The following FNBP1 variants were observed in gnomAD, a reference collection of about 807,000 sequenced individuals.
The protein encoded by FNBP1 is formin binding protein 1.
In FNBP1, 26 loss-of-function variants were observed where a neutral mutation model predicts 90.6. The observed-to-expected ratio is 0.29, with a 90% CI of 0.21 to 0.40. FNBP1 has a LOEUF of 0.40. Ranked by LOEUF, FNBP1 falls within the 10% of genes least tolerant of loss-of-function variation. FNBP1 has a pLI of 1.00. For synonymous variants in FNBP1, 260 were observed against 265.2 expected (o/e 0.98, Z 0.19); for missense variants, 635 against 768.0 (o/e 0.83, Z 2.05).
chr9:129,976,216 A>T (rs533880462), intron 4 of FNBP1, among the ~76,000 whole-genome samples: 7 of 152,138 alleles, frequency 4.6e-5, no homozygotes, highest in Non-Finnish European at 1.0e-4. Flanking sequence ...ATTTTGGGCC[A>T]GGTCATTCTT....
chr9:129,955,276 C>T (rs1237153116), intron 6 of FNBP1, among the ~76,000 whole-genome samples: 1 of 151,882 alleles, frequency 6.6e-6, no homozygotes, highest in Non-Finnish European at 1.5e-5. Context: ...CTCTGTCATC[C>T]AGGCTGGAGT....
In FNBP1 at chr9:130,041,329, C is replaced by T. The variant is rs923782149; in HGVS notation, c.24+1623G>A. Among the ~76,000 whole-genome samples, 2 of 152,142 alleles carry T rather than the reference C, an allele frequency of 1.3e-5. No homozygotes were observed. Among genetic ancestry groups the T allele is most frequent in the Non-Finnish European group, 2.9e-5 (2 of 68,034 alleles). ...GAACTGTCCACCAAGGTATTGTGTT[C>T]GGTCCCTATTTCACTCAGAAATATA... On this transcript the variant is annotated intron_variant, in intron 1 of 16. Coordinates refer to ENST00000446176, the MANE Select transcript of FNBP1 (RefSeq NM_015033.3). This position sits in a 1 kb window ranked among gnomAD's most constrained non-coding sequence, Gnocchi z 4.3.
intron 4 of FNBP1, among the ~76,000 whole-genome samples, chr9:129,976,908 G>A (rs1163677543): frequency 2.0e-5 from 3 of 152,082 alleles, no homozygotes; most frequent in Non-Finnish European, 2.9e-5. Flanking sequence ...GCTCACGCCT[G>A]TAATCCCAGC....
chr9:129,997,048 G>A (rs550760481), intron 1 of FNBP1, among the ~76,000 whole-genome samples: 1 of 151,932 alleles, frequency 6.6e-6, no homozygotes, highest in Non-Finnish European at 1.5e-5. Context: ...ATTTTGGCCA[G>A]GTGAGGTGGC....
At chr9:129,913,839 C>T (rs994395886) in intron 11 of FNBP1, among the ~76,000 whole-genome samples, 3 of 151,802 alleles carry the variant, frequency 2.0e-5, no homozygotes, top group Admixed American at 6.6e-5. Flanking sequence ...GCACAAGCTC[C>T]GTGTAATACT....
chr9:129,961,104 G>C (rs2047743007), intron 4 of FNBP1, among the ~76,000 whole-genome samples: 1 of 152,078 alleles, frequency 6.6e-6, no homozygotes, highest in Admixed American at 6.5e-5. Flanking sequence ...CCAAAGGTCA[G>C]GAGTTCTAGA....
intron 13 of FNBP1, among the ~76,000 whole-genome samples, chr9:129,901,407 C>T (rs201606188): frequency 6.6e-6 from 1 of 151,938 alleles, no homozygotes; most frequent in African/African-American, 2.4e-5. Context: ...CATGGTGGCA[C>T]ATGCCTGTAG....
chr9:129,912,470 C>A (rs1203748891), intron 11 of FNBP1, among the ~76,000 whole-genome samples: 1 of 151,986 alleles, frequency 6.6e-6, no homozygotes, highest in African/African-American at 2.4e-5. Flanking sequence ...GGGTGGATCA[C>A]CTGAGGTCGG....
intron 4 of FNBP1, among the ~76,000 whole-genome samples, chr9:129,960,490 CAT>C (rs1318505412): frequency 6.6e-6 from 1 of 151,388 alleles, no homozygotes; most frequent in Non-Finnish European, 1.5e-5. Context: ...TGGCTGTTTT[CAT>C]TATTAGATTA....
intron 1 of FNBP1, among the ~76,000 whole-genome samples, chr9:129,999,301 A>G (rs2054486996): frequency 6.6e-6 from 1 of 152,072 alleles, no homozygotes; most frequent in Non-Finnish European, 1.5e-5. Flanking sequence ...CCTCCTAAAA[A>G]TCCTTGAGAA....
intron 1 of FNBP1, among the ~76,000 whole-genome samples, chr9:130,039,332 A>C (rs1292387990): frequency 6.6e-6 from 1 of 152,216 alleles, no homozygotes; most frequent in African/African-American, 2.4e-5. Flanking sequence ...ATGAAGAGCT[A>C]TGTTATGAAG....
Position 129,900,184 on chromosome 9 carries a change from A to G in FNBP1, c.1551-83T>C, listed in dbSNP as rs569992186. On this transcript the variant is annotated intron_variant, in intron 14 of 16. Transcript: ENST00000446176. This position sits in a 1 kb window ranked among gnomAD's most constrained non-coding sequence, Gnocchi z 4.1. ...GATTGAGTCCCTGCGACTGGAGAGC[A>G]CTTGCAACCCCGCCCCTCAGCGAGT... 4.9e-6 allele frequency: 7 copies of G among 1,424,688 alleles called. No individual in the cohort carries two copies. Among genetic ancestry groups the G allele is most frequent in the African/African-American group, 4.3e-5 (3 of 69,242 alleles). The allele number at this position is 1,424,688 out of a possible 1,614,324, so 88.3% of individuals were successfully genotyped here. A position where few individuals can be genotyped will look rare whatever the true frequency, so the allele number is the denominator to read the frequency against.
At chr9:130,016,495 G>A (rs761942090) in intron 1 of FNBP1, among the ~76,000 whole-genome samples, 5 of 152,166 alleles carry the variant, frequency 3.3e-5, no homozygotes, top group Non-Finnish European at 5.9e-5. Context: ...TGTAATCCCA[G>A]CACTTTGGGA....
rs867044422 is a variant in FNBP1 at position 129,914,769 on chromosome 9, A to C, written c.1185+1197T>G. 7 of 125,710 alleles carry C rather than the reference A, an allele frequency of 5.6e-5. No homozygotes were observed. The East Asian group carries it at 1.4e-3, about 24-fold the overall frequency. 7.8% of individuals were successfully genotyped at this position (125,710 alleles called of 1,614,324 possible). A position where few individuals can be genotyped will look rare whatever the true frequency, so the allele number is the denominator to read the frequency against. ...TACATACATATGTCTATATATATAT[A>C]TATATATATATATATATATATATAT... On this transcript the variant is annotated intron_variant, in intron 11 of 16. Transcript: ENST00000446176.
chr9:130,046,742 A>T (rs2060062714), upstream of FNBP1, among the ~76,000 whole-genome samples: 1 of 146,594 alleles, frequency 6.8e-6, no homozygotes, highest in South Asian at 2.2e-4. Context: ...CACTCCAGCC[A>T]CTGTACTCCG....
chr9:130,049,158 C>A, the FNBP1 span, among the ~76,000 whole-genome samples: 1 of 152,102 alleles, frequency 6.6e-6, no homozygotes, highest in Non-Finnish European at 1.5e-5. Context: ...GGAGGCCAAG[C>A]CAGGCAGATC....
chr9:129,959,316 G>A (rs768519788), intron 4 of FNBP1, among the ~76,000 whole-genome samples: 2 of 151,782 alleles, frequency 1.3e-5, no homozygotes, highest in Non-Finnish European at 2.9e-5. Flanking sequence ...AAATAGGCTG[G>A]ACGGTGGCTC....
intron 4 of FNBP1, among the ~76,000 whole-genome samples, chr9:129,978,096 C>T (rs2130881173): frequency 6.6e-6 from 1 of 152,116 alleles, no homozygotes; most frequent in African/African-American, 2.4e-5. Context: ...TCTCGGCTCA[C>T]TGCAACCTCC....
chr9:129,942,302 T>C (rs1375491673), intron 6 of FNBP1, among the ~76,000 whole-genome samples: 2 of 152,178 alleles, frequency 1.3e-5, no homozygotes, highest in Non-Finnish European at 2.9e-5. Context: ...ATGGAAGATG[T>C]GACAACACTT....
Sources: allele counts gnomAD v4.1 joint callset (sites outside exome capture counted in the v4.1 genomes callset), GRCh38; gene constraint gnomAD v4.1.1; non-coding constraint Gnocchi (gnomAD v3.1); transcripts MANE v1.5; gene names NCBI Gene and HGNC (gene_info 2026-07-23, HGNC 2026-07-21).